The following ZNF423 variants were observed in gnomAD, a reference collection of about 807,000 sequenced individuals.
The protein encoded by ZNF423 is Ebf-associated zinc finger protein.
A neutral mutation model predicts 95.8 loss-of-function variants in ZNF423; 12 were observed. The observed-to-expected ratio is 0.13, with a 90% CI of 0.08 to 0.20. The LOEUF is 0.20. ZNF423 is among the 10% of genes least tolerant of loss of function. ZNF423 has a pLI of 1.00. For missense variants in ZNF423, 1,316 were observed against 1,737.1 expected (o/e 0.76, Z 4.31); for synonymous variants, 749 against 711.9 (o/e 1.05, Z -0.83).
intron 1 of ZNF423, among the ~76,000 whole-genome samples, chr16:49,842,447 A>AGGCAGGCT (rs1175568058): frequency 3.9e-4 from 56 of 144,204 alleles, no homozygotes; most frequent in Middle Eastern, 3.7e-3. Flanking sequence ...GCAGGCAGGC[A>AGGCAGGCT]GGCCCATAAA....
intron 1 of ZNF423, chr16:49,846,983 T>G (rs2035253001): frequency 1.3e-5 from 2 of 152,394 alleles, no homozygotes; most frequent in African/African-American, 4.8e-5. Flanking sequence ...GTCATCACTC[T>G]GCCTTCAGGC....
At position 49,735,194 on chromosome 16, in the gene ZNF423, C is replaced by A. The variant is rs181554138; in HGVS notation, c.101-4223G>T. Among the ~76,000 whole-genome samples the A allele has an allele frequency of 4.8e-3, 727 of 152,272 alleles. 4 individuals are homozygous for A. Among genetic ancestry groups the A allele is most frequent in the African/African-American group, 0.017 (692 of 41,554 alleles). On this transcript the variant is annotated intron_variant, in intron 2 of 7. Coordinates refer to ENST00000563137, the MANE Select transcript of ZNF423 (RefSeq NM_001379286.1). ...CACAGCCTTGAAGGTCATCTTTCAA[C>A]CCCATAAACTTCCAAGTCTCTTTGG...
intron 3 of ZNF423, chr16:49,664,255 G>C: frequency 1.0e-6 from 1 of 985,542 alleles, no homozygotes; most frequent in Non-Finnish European, 1.2e-6. Flanking sequence ...ATCCCCACCC[G>C]GCCGCCTGGG....
intron 1 of ZNF423, among the ~76,000 whole-genome samples, chr16:49,797,151 G>C (rs1382868129): frequency 6.6e-6 from 1 of 152,136 alleles, no homozygotes; most frequent in Non-Finnish European, 1.5e-5. Context: ...GGGACAGCGA[G>C]AGACCCAAGT....
intron 5 of ZNF423, among the ~76,000 whole-genome samples, chr16:49,590,163 T>G (rs944206039): frequency 6.6e-6 from 1 of 151,450 alleles, no homozygotes. Flanking sequence ...CCGCAGCAGA[T>G]CCAGGCAGCA....
chr16:49,789,973 A>G (rs1332905021), intron 1 of ZNF423, among the ~76,000 whole-genome samples: 1 of 152,138 alleles, frequency 6.6e-6, no homozygotes, highest in Non-Finnish European at 1.5e-5. Context: ...GCAACTCATG[A>G]GCTGACAACA....
At chr16:49,762,491 A>G (rs1190407921) in intron 2 of ZNF423, among the ~76,000 whole-genome samples, 2 of 152,222 alleles carry the variant, frequency 1.3e-5, no homozygotes, top group African/African-American at 4.8e-5. Flanking sequence ...GCCAGGAATG[A>G]CCATGTCTGT....
intron 5 of ZNF423, among the ~76,000 whole-genome samples, chr16:49,538,818 G>A (rs1451607847): frequency 1.3e-5 from 2 of 152,200 alleles, no homozygotes; most frequent in African/African-American, 4.8e-5. Context: ...TTGCACCCAA[G>A]TTATTCATAG....
At chr16:49,706,362 C>T (rs917326572) in intron 3 of ZNF423, among the ~76,000 whole-genome samples, 1 of 152,262 alleles carries the variant, frequency 6.6e-6, no homozygotes, top group Non-Finnish European at 1.5e-5. Flanking sequence ...CCAGGCCAGC[C>T]ATGGCCACAG....
chr16:49,489,196 C>T lies in ZNF423; in HGVS notation c.*2079G>A, dbSNP rs541740637. 8 of 152,460 alleles carry T rather than the reference C, an allele frequency of 5.2e-5. No individual in the cohort carries two copies. The highest frequency in any genetic ancestry group is 1.9e-4 in the African/African-American group (8 of 41,568). 9.4% of individuals were successfully genotyped at this position (152,460 alleles called of 1,614,324 possible). ...GGGCTCCATGGGGTTTGGGATAAAT[C>T]CAGAGCTGGAGAGGGCCCTGAGACG... On this transcript the variant is annotated 3_prime_UTR_variant, in exon 8 of 8. Transcript: ENST00000563137.
intron 1 of ZNF423, among the ~76,000 whole-genome samples, chr16:49,791,956 T>C (rs1311889536): frequency 7.1e-6 from 1 of 140,288 alleles, no homozygotes; most frequent in Admixed American, 7.7e-5. Context: ...GAGCTGATAC[T>C]GCACCACTGC....
rs959183567 is a variant in ZNF423 at position 49,789,539 on chromosome 16, C to G, written c.48G>C (p.Glu16Asp). The change falls in exon 2 of 8, where the codon GAG becomes GAC. Residue 16 changes from glutamate (E) to aspartate (D), a missense_variant. Glu to Asp is a conservative substitution (Grantham distance 45, BLOSUM62 2). Transcript: ENST00000563137. Reference sequence around the variant, plus strand: ...CCAGCGAGAAGTCTGAGGCCTCCCCCTCTTCAACTGAAAGAGAGAACAGAG... The same window carrying G: ...CCAGCGAGAAGTCTGAGGCCTCCCCGTCTTCAACTGAAAGAGAGAACAGAG... Reference protein sequence around the residue: ...QAKPRSVKVEEGEASDFSLAW... With the variant: ...QAKPRSVKVEDGEASDFSLAW... 19 of 1,611,928 alleles carry G rather than the reference C, an allele frequency of 1.2e-5. No homozygotes were observed. Among genetic ancestry groups the G allele is most frequent in the South Asian group, 2.2e-5 (2 of 90,770 alleles).
chr16:49,823,909 A>G (rs1050139274), intron 1 of ZNF423, among the ~76,000 whole-genome samples: 1 of 152,108 alleles, frequency 6.6e-6, no homozygotes, highest in Non-Finnish European at 1.5e-5. Flanking sequence ...CAGCCTGGGC[A>G]ATATAGTGAG....
chr16:49,682,040 A>T (rs532942085), intron 3 of ZNF423, among the ~76,000 whole-genome samples: 4 of 120,572 alleles, frequency 3.3e-5, no homozygotes, highest in South Asian at 5.3e-4. Flanking sequence ...TCCTTCCTCC[A>T]TTCCCTCCAT....
intron 3 of ZNF423, among the ~76,000 whole-genome samples, chr16:49,684,681 A>G (rs1413680833): frequency 6.6e-6 from 1 of 152,186 alleles, no homozygotes; most frequent in Non-Finnish European, 1.5e-5. Context: ...AGGACCCAAG[A>G]GCAGCAGTCC....
intron 2 of ZNF423, among the ~76,000 whole-genome samples, chr16:49,787,629 A>C (rs1420935904): frequency 1.3e-5 from 2 of 152,112 alleles, no homozygotes; most frequent in African/African-American, 4.8e-5. Context: ...CCTAGCACCA[A>C]CACCACCCTT....
In ZNF423 at chr16:49,730,773, C is replaced by A. The variant is rs746664229; in HGVS notation, c.299G>T (p.Gly100Val). ...GTCCTGGGGCTGTTTTGCATTACCT[C>A]CAGGACAGCGGTGGGCCCGGTGGTC... Reference protein sequence around the residue: ...LTDHRAHRCPGDGDDDPQLSW... With the variant: ...LTDHRAHRCPVDGDDDPQLSW... The change falls in exon 3 of 8, where the codon GGA becomes GTA. Residue 100 changes from glycine to valine, a missense_variant and splice_region_variant. By Grantham distance (109) the Gly-to-Val change is moderately radical. Coordinates refer to ENST00000563137, the MANE Select transcript of ZNF423 (RefSeq NM_001379286.1). 2 of 1,614,234 alleles carry A rather than the reference C, an allele frequency of 1.2e-6. No homozygotes were observed. The highest frequency in any genetic ancestry group is 2.2e-5 in the South Asian group (2 of 91,086).
At chr16:49,834,152 AATC>A (rs1301312390) in intron 1 of ZNF423, among the ~76,000 whole-genome samples, 3 of 152,050 alleles carry the variant, frequency 2.0e-5, no homozygotes, top group Non-Finnish European at 4.4e-5. Flanking sequence ...GGCGAAGAAA[AATC>A]ATCTCATCAG....
intron 3 of ZNF423, among the ~76,000 whole-genome samples, chr16:49,661,232 AAAG>A (rs1444177361): frequency 1.3e-5 from 2 of 151,958 alleles, no homozygotes; most frequent in African/African-American, 4.8e-5. Context: ...AAAAAAAAAA[AAAG>A]ACACAGACTC....
Sources: allele counts gnomAD v4.1 joint callset (sites outside exome capture counted in the v4.1 genomes callset), GRCh38; gene constraint gnomAD v4.1.1; transcripts MANE v1.5; gene names NCBI Gene and HGNC (gene_info 2026-07-23, HGNC 2026-07-21).